DHTKD1: variants seen among roughly 807,000 people sequenced by gnomAD.
The protein encoded by DHTKD1 is dehydrogenase E1 and transketolase domain containing 1.
Under a neutral mutation model 101.8 loss-of-function variants are expected in DHTKD1, and 78 were observed. The ratio of observed to expected loss-of-function variants is 0.77; its 90% confidence interval spans 0.64 to 0.93. The LOEUF (loss-of-function observed/expected upper bound fraction) is 0.93. Ranked by LOEUF, DHTKD1 falls within the 40% of genes least tolerant of loss-of-function variation. DHTKD1 has a pLI of 0.00. For synonymous variants in DHTKD1, 462 were observed against 450.3 expected, an observed-to-expected ratio of 1.03 and a Z score of -0.33; for missense variants, 1,223 against 1,161.7, an observed-to-expected ratio of 1.05 and a Z score of -0.77.
rs759951501 is a variant in DHTKD1, at chr10:12,117,764, T to C, written c.2402+9T>C. The C allele has an allele frequency of 1.3e-5, 20 of 1,520,464 alleles. No homozygotes were observed. Among genetic ancestry groups the C allele is most frequent in the Middle Eastern group, 1.7e-4 (1 of 5,908 alleles). The allele number at this position is 1,520,464 out of a possible 1,614,324, so 94.2% of individuals were successfully genotyped here. Reference sequence around the variant, plus strand: ...TCTGTGGATCCAAAAAAGTAAGATATGTATCTCTGTTTTCATATTCTGTGG... The same window carrying C: ...TCTGTGGATCCAAAAAAGTAAGATACGTATCTCTGTTTTCATATTCTGTGG... On this transcript the variant is annotated intron_variant, in intron 14 of 16. Coordinates refer to ENST00000263035, the MANE Select transcript of DHTKD1 (RefSeq NM_018706.7).
rs766731074 is a variant in DHTKD1 at position 12,089,221 on chromosome 10, C to T, written c.953C>T (p.Ser318Leu). Reference protein sequence around the residue: ...RQDGDYSPDNSAQPGDRVICL... With the variant: ...RQDGDYSPDNLAQPGDRVICL... ...GACGGCGATTACTCTCCAGACAACT[C>T]AGCCCAGCCGGGGGACAGGGTCATT... Residue 318 changes from serine to leucine, a missense_variant, in exon 5 of 17, where the codon TCA becomes TTA. Physicochemically the swap from Ser to Leu is moderately radical, Grantham distance 145. Transcript: ENST00000263035. The T allele has an allele frequency of 3.1e-6, 5 of 1,614,076 alleles. No homozygotes were observed. The highest frequency in any genetic ancestry group is 3.4e-6 in the Non-Finnish European group (4 of 1,180,058).
At chr10:12,078,498 G>A (rs1273814192) in intron 1 of DHTKD1, among the ~76,000 whole-genome samples, 1 of 151,888 alleles carries the variant, frequency 6.6e-6, no homozygotes, top group Non-Finnish European at 1.5e-5. Flanking sequence ...TGCAACCCCA[G>A]CTACTTGGAG....
chr10:12,088,441 C>T lies in DHTKD1; in HGVS notation c.718-545C>T, dbSNP rs200773635. Reference sequence around the variant, plus strand: ...GAGCTGAGACTGTGCCACTGCCCTCCAGCCTGGAAGACAGAGCCAGATCCT... The same window carrying T: ...GAGCTGAGACTGTGCCACTGCCCTCTAGCCTGGAAGACAGAGCCAGATCCT... On this transcript the variant is annotated intron_variant, in intron 4 of 16. Transcript: ENST00000263035. Among the ~76,000 whole-genome samples, 20 of 151,554 alleles carry T rather than the reference C, an allele frequency of 1.3e-4. 2 individuals are homozygous for T. The East Asian group carries it at 3.3e-3, about 25-fold the overall frequency.
rs1807811 is a variant in DHTKD1, at chr10:12,110,123, C to T, written c.2154+2108C>T. 0.033 allele frequency among the ~76,000 whole-genome samples: 4,960 copies of T among 152,144 alleles called. 286 individuals are homozygous for T. The highest frequency in any genetic ancestry group is 0.11 in the African/African-American group (4,710 of 41,502). Reference sequence around the variant, plus strand: ...ACCATCCTGGCTAACACGGTGAAACCCTGTGTCTACTAAAAATACAAAAAA... The same window carrying T: ...ACCATCCTGGCTAACACGGTGAAACTCTGTGTCTACTAAAAATACAAAAAA... On this transcript the variant is annotated intron_variant, in intron 12 of 16. Transcript: ENST00000263035. The surrounding 1 kb of genome is among the most constrained non-coding windows in gnomAD (Gnocchi z 4.9).
intron 5 of DHTKD1, among the ~76,000 whole-genome samples, 174 bp downstream of exon 5, chr10:12,089,429 C>A (rs373190988): frequency 5.9e-5 from 9 of 152,178 alleles, no homozygotes; most frequent in African/African-American, 2.2e-4. Flanking sequence ...GTTTAGTCTT[C>A]AGGCAACTGG....
At chr10:12,098,067 T>C (rs1024319690) in intron 8 of DHTKD1, 71 bp downstream of exon 8, 1 of 1,361,318 alleles carries the variant, frequency 7.3e-7, no homozygotes, top group African/African-American at 1.5e-5. Flanking sequence ...GTTGGTCTGG[T>C]GTTTTCAGTT....
chr10:12,120,056 T>C, intron 15 of DHTKD1, 126 bp from the exon 16 acceptor site: 2 of 702,368 alleles, frequency 2.8e-6, no homozygotes, highest in Non-Finnish European at 5.1e-6. Flanking sequence ...GTACAGTTTC[T>C]AGTGAATGTG....
intron 6 of DHTKD1, among the ~76,000 whole-genome samples, chr10:12,092,727 T>C (rs72779634): frequency 0.75 from 113,158 of 151,636 alleles, 42,686 homozygotes; most frequent in South Asian, 0.88. Flanking sequence ...CACTTGAACC[T>C]GGGAGGCGGA....
At chr10:12,088,290 A>G (rs1266165041) in intron 4 of DHTKD1, among the ~76,000 whole-genome samples, 2 of 151,996 alleles carry the variant, frequency 1.3e-5, no homozygotes, top group Non-Finnish European at 2.9e-5. Flanking sequence ...CTCTGTCCCT[A>G]CAAAAATAAA....
intron 13 of DHTKD1, among the ~76,000 whole-genome samples, chr10:12,117,066 G>A (rs1304086985): frequency 2.0e-5 from 3 of 151,190 alleles, no homozygotes; most frequent in Non-Finnish European, 4.4e-5. Context: ...GCAATGGTGC[G>A]ATTTCAGCTC....
At chr10:12,090,423 TC>T (rs200729325) in intron 5 of DHTKD1, among the ~76,000 whole-genome samples, 123 of 31,596 alleles carry the variant, frequency 3.9e-3, no homozygotes, top group South Asian at 0.012. Flanking sequence ...CTTCCTTCCT[TC>T]CTTTTTCCTT....
intron 15 of DHTKD1, 89 bp downstream of exon 15, chr10:12,119,007 T>C: frequency 7.5e-7 from 1 of 1,325,048 alleles, no homozygotes; most frequent in Non-Finnish European, 1.0e-6. Context: ...GTGGGGGTTA[T>C]TAGAAAATTG....
chr10:12,118,793 T>C lies in DHTKD1; in HGVS notation c.2447T>C (p.Leu816Pro). 1.2e-6 allele frequency: 2 copies of C among 1,606,596 alleles called. No homozygotes were observed. Among genetic ancestry groups the C allele is most frequent in the African/African-American group, 1.3e-5 (1 of 74,654 alleles). ...VFCSGKHFYS[L>P]VKQRESLGAK... ...TGCTCCGGCAAACATTTCTACTCCC[T>C]GGTGAAACAAAGAGAATCTCTGGGG... is the stretch of plus-strand genomic sequence containing the variant. The change falls in exon 15 of 17, where the codon CTG becomes CCG. Residue 816 changes from leucine to proline, a missense_variant. Transcript: ENST00000263035.
chr10:12,072,997 A>G (rs188509589), intron 1 of DHTKD1, among the ~76,000 whole-genome samples: 221 of 151,946 alleles, frequency 1.5e-3, no homozygotes, highest in African/African-American at 5.2e-3. Context: ...CGGCCTCCCA[A>G]AGTGCTGGGA....
At chr10:12,097,573 G>T in intron 7 of DHTKD1, 111 bp from the exon 8 acceptor site, 2 of 946,698 alleles carry the variant, frequency 2.1e-6, no homozygotes, top group Non-Finnish European at 3.1e-6. Context: ...TGCACCTGTC[G>T]AATGCCTTTT....
chr10:12,103,523 G>GTGTGTGTA lies in DHTKD1; in HGVS notation c.1896+2347_1896+2348insGTATGTGT. Among the ~76,000 whole-genome samples the GTGTGTGTA allele has an allele frequency of 6.7e-6, 1 of 150,208 alleles. No homozygotes were observed. Among genetic ancestry groups the GTGTGTGTA allele is most frequent in the African/African-American group, 2.5e-5 (1 of 40,360 alleles). On this transcript the variant is annotated intron_variant, in intron 10 of 16. Coordinates refer to ENST00000263035, the MANE Select transcript of DHTKD1 (RefSeq NM_018706.7). The surrounding 1 kb of genome is among the most constrained non-coding windows in gnomAD (Gnocchi z 4.8). ...TGTGTGTGTGTGTGTGTGTGTGTGT[G>GTGTGTGTA]TGTGTATGTATGTGACAGGTCCTCC...
chr10:12,072,672 T>C (rs947383867), intron 1 of DHTKD1, among the ~76,000 whole-genome samples: 1 of 152,072 alleles, frequency 6.6e-6, no homozygotes, highest in African/African-American at 2.4e-5. Context: ...AAACTTGAAT[T>C]TATTTATCAA....
chr10:12,071,462 GT>G (rs1832649548), intron 1 of DHTKD1, among the ~76,000 whole-genome samples: 1 of 152,072 alleles, frequency 6.6e-6, no homozygotes, highest in Non-Finnish European at 1.5e-5. Flanking sequence ...AATCTTTTTA[GT>G]TTTTATTTTT....
At chr10:12,078,678 G>GTTTTCTT (rs1286214010) in intron 1 of DHTKD1, among the ~76,000 whole-genome samples, 1 of 152,136 alleles carries the variant, frequency 6.6e-6, no homozygotes, top group Non-Finnish European at 1.5e-5. Context: ...CTAAGGGGAT[G>GTTTTCTT]TTTTCTTTTT....
Sources: gnomAD v4.1 joint callset for allele counts (sites outside exome capture counted in the v4.1 genomes callset) on GRCh38, gnomAD v4.1.1 for gene constraint, Gnocchi (gnomAD v3.1) non-coding constraint, MANE v1.5 for transcripts, NCBI Gene and HGNC (gene_info 2026-07-23, HGNC 2026-07-21) for gene names.